The following GSDMC variants were observed in gnomAD, a reference collection of about 807,000 sequenced individuals.
The protein encoded by GSDMC is gasdermin C.
GSDMC carries 59 observed loss-of-function variants against 58.0 expected under a neutral mutation model. The ratio of observed to expected loss-of-function variants is 1.02; its 90% CI spans 0.82 to 1.26. GSDMC has a LOEUF of 1.26. Ranked by LOEUF, GSDMC falls within the 50% of genes most tolerant of loss-of-function variation. The pLI, the probability that GSDMC is intolerant of heterozygous loss-of-function variation, is 0.00. For synonymous variants in GSDMC, 241 were observed against 220.2 expected (o/e 1.09, Z -0.83); for missense variants, 659 against 598.5 (o/e 1.10, Z -1.06).
chr8:129,760,589 G>T lies in GSDMC; in HGVS notation c.677C>A (p.Ala226Asp), dbSNP rs752090078. 2 of 1,586,308 alleles carry T rather than the reference G, an allele frequency of 1.3e-6. No homozygotes were observed. The highest frequency in any genetic ancestry group is 3.3e-5 in the Admixed American group (2 of 59,726). The change falls in exon 6 of 14, where the codon GCC becomes GAC. Residue 226 changes from alanine to aspartate, a missense_variant and splice_region_variant. By Grantham distance (126) the Ala-to-Asp change is moderately radical (BLOSUM62 -2). Coordinates refer to ENST00000276708, the MANE Select transcript of GSDMC (RefSeq NM_031415.3). ...TTCATCATCATCTGAGATGAGAATG[G>T]CTGAATGGAAAAGAAGAACTTCCAT... ...KRKQLVIKEK[A>D]ILISDDDEQR...
the GSDMC span, chr8:129,729,253 T>A: frequency 1.6e-6 from 1 of 628,550 alleles, no homozygotes; most frequent in South Asian, 1.4e-5. Flanking sequence ...TAGGTGGACT[T>A]AGACATGTAT....
At position 129,784,586 on chromosome 8, in the gene GSDMC, A is replaced by T. The variant is rs2130598094; in HGVS notation, c.-5+1425T>A. Among the ~76,000 whole-genome samples, 3 of 152,340 alleles carry T rather than the reference A, an allele frequency of 2.0e-5. No individual in the cohort carries two copies. The Middle Eastern group carries it at 0.01, about 518-fold the overall frequency. ...TTAAAATGGCTTATATCTAAAAGAC[A>T]AGTAATAAAAAATGCTGGAGAGAAG... On this transcript the variant is annotated intron_variant, in intron 1 of 13. Coordinates refer to ENST00000276708, the MANE Select transcript of GSDMC (RefSeq NM_031415.3).
chr8:129,716,267 A>G, the GSDMC span, among the ~76,000 whole-genome samples: 1 of 152,254 alleles, frequency 6.6e-6, no homozygotes, highest in Non-Finnish European at 1.5e-5. Flanking sequence ...CAAGAAATGT[A>G]CTTTAAATAT....
chr8:129,766,250 G>GA (rs1222626197), intron 3 of GSDMC, among the ~76,000 whole-genome samples: 1 of 152,196 alleles, frequency 6.6e-6, no homozygotes, highest in Non-Finnish European at 1.5e-5. Context: ...AATGAAGCGA[G>GA]AAGACTCTGC....
At chr8:129,752,246 T>C in intron 7 of GSDMC, 99 bp from the exon 8 acceptor site, 1 of 873,134 alleles carries the variant, frequency 1.1e-6, no homozygotes, top group Non-Finnish European at 1.9e-6. Flanking sequence ...CTAACTCCTC[T>C]ATCCTCCCCT....
chr8:129,724,709 C>T, the GSDMC span, among the ~76,000 whole-genome samples: 3 of 151,710 alleles, frequency 2.0e-5, no homozygotes, highest in Non-Finnish European at 2.9e-5. Context: ...AGCGAAAAAG[C>T]GTTAGATAGC....
intron 3 of GSDMC, among the ~76,000 whole-genome samples, chr8:129,770,340 C>T (rs2034007740): frequency 6.6e-6 from 1 of 151,816 alleles, no homozygotes; most frequent in Non-Finnish European, 1.5e-5. Context: ...ACTAAAAATA[C>T]AAAAAATTTA....
chr8:129,764,028 CT>C (rs1164604038), intron 4 of GSDMC, among the ~76,000 whole-genome samples: 1 of 152,004 alleles, frequency 6.6e-6, no homozygotes, highest in Non-Finnish European at 1.5e-5. Flanking sequence ...TATAAATATC[CT>C]TTTTGCAAAG....
In GSDMC at chr8:129,765,501, G is replaced by A. The variant is rs1188391316; in HGVS notation, c.570+127C>T. On this transcript the variant is annotated intron_variant, in intron 4 of 13. Transcript: ENST00000276708. ...GGATACATCAACATGTAAGAAGGGGGAAATAATGACTCCATCCCTTGTAAT... is the reference window on the plus strand; with the variant it reads ...GGATACATCAACATGTAAGAAGGGGAAAATAATGACTCCATCCCTTGTAAT... The A allele has an allele frequency of 5.5e-6, 4 of 730,676 alleles. No individual in the cohort carries two copies. In the East Asian group the frequency reaches 9.9e-5, roughly 18 times the overall value. The allele number at this position is 730,676 out of a possible 1,614,324, so 45.3% of individuals were successfully genotyped here. A position where few individuals can be genotyped will look rare whatever the true frequency, so the allele number is the denominator to read the frequency against.
chr8:129,719,857 A>G, the GSDMC span, among the ~76,000 whole-genome samples: 1 of 152,150 alleles, frequency 6.6e-6, no homozygotes. Context: ...AGGCACAAGA[A>G]TCTCTTGAAA....
At chr8:129,750,636 T>C in intron 10 of GSDMC, 66 bp from the exon 11 acceptor site, 3 of 1,520,786 alleles carry the variant, frequency 2.0e-6, no homozygotes, top group Non-Finnish European at 2.7e-6. Context: ...ATCCTTGGAA[T>C]GACAGCCTGT....
chr8:129,721,794 A>G, the GSDMC span, among the ~76,000 whole-genome samples: 6 of 152,196 alleles, frequency 3.9e-5, no homozygotes, highest in African/African-American at 1.4e-4. Flanking sequence ...TGGCAACCCC[A>G]TTGGTAAGAG....
the GSDMC span, among the ~76,000 whole-genome samples, chr8:129,729,582 T>C: frequency 2.0e-5 from 3 of 152,174 alleles, no homozygotes; most frequent in African/African-American, 7.2e-5. Context: ...GTTCTTGCGA[T>C]AGTTTGCTGA....
At chr8:129,706,486 T>C in the GSDMC span, 1 of 152,202 alleles carries the variant, frequency 6.6e-6, no homozygotes, top group Non-Finnish European at 1.5e-5. Flanking sequence ...CAGCACCAGT[T>C]TGAGGGTCTG....
the GSDMC span, among the ~76,000 whole-genome samples, chr8:129,732,103 A>T: frequency 6.6e-6 from 1 of 152,196 alleles, no homozygotes; most frequent in Non-Finnish European, 1.5e-5. Flanking sequence ...ACTGGGCCAC[A>T]AGGGGTTCTC....
chr8:129,709,500 AGATAGACAGAT>A, the GSDMC span, among the ~76,000 whole-genome samples: 586 of 117,060 alleles, frequency 5.0e-3, 2 homozygotes, highest in African/African-American at 0.033. Context: ...GATAGATGAT[AGATAGACAGAT>A]GATAGATGAT....
chr8:129,729,841 C>A, the GSDMC span: 1 of 742,842 alleles, frequency 1.3e-6, no homozygotes. Flanking sequence ...AAAAGCAAGG[C>A]TGCATCCATG....
the GSDMC span, among the ~76,000 whole-genome samples, chr8:129,725,508 T>C: frequency 6.6e-6 from 1 of 152,182 alleles, no homozygotes; most frequent in East Asian, 1.9e-4. Context: ...ATGTGTTCGA[T>C]TGCCCAAGAT....
chr8:129,780,508 G>GA (rs1427915136), intron 1 of GSDMC, among the ~76,000 whole-genome samples: 2 of 151,944 alleles, frequency 1.3e-5, no homozygotes, highest in African/African-American at 4.8e-5. Context: ...GTGCTGAAGG[G>GA]AAAAAAACTT....
Sources: allele counts gnomAD v4.1 joint callset (sites outside exome capture counted in the v4.1 genomes callset), GRCh38; gene constraint gnomAD v4.1.1; transcripts MANE v1.5; gene names NCBI Gene and HGNC (gene_info 2026-07-23, HGNC 2026-07-21).